The following TENM1 variants were observed in gnomAD, a reference collection of about 807,000 sequenced individuals.
The protein encoded by TENM1 is teneurin-1.
In TENM1, 35 loss-of-function variants were observed where a neutral mutation model predicts 174.8. The ratio of observed to expected loss-of-function variants is 0.20; its 90% CI spans 0.15 to 0.27. The LOEUF is 0.27. TENM1 is among the 10% of genes least tolerant of loss of function. The probability of loss-of-function intolerance (pLI) is 1.00; values close to 1 mark genes in which losing one functional copy is unlikely to be tolerated. For synonymous variants in TENM1, 781 were observed against 798.7 expected (o/e 0.98, Z 0.37); for missense variants, 1,633 against 2,130.1 (o/e 0.77, Z 4.59).
intron 3 of TENM1, among the ~76,000 whole-genome samples, chrX:124,789,308 C>T (rs1172345030): frequency 9.0e-6 from 1 of 110,922 alleles, no homozygotes; most frequent in African/African-American, 3.3e-5. Flanking sequence ...GGAGGGGCTG[C>T]TGTGAAGACC....
At chrX:125,116,884 G>A in the TENM1 span, among the ~76,000 whole-genome samples, 1 of 109,869 alleles carries the variant, frequency 9.1e-6, no homozygotes, top group African/African-American at 3.3e-5. Flanking sequence ...AGTGGTGTGC[G>A]CCTATATTCC....
intron 11 of TENM1, among the ~76,000 whole-genome samples, chrX:124,621,473 A>C (rs1241094485): frequency 8.9e-6 from 1 of 112,327 alleles, no homozygotes; most frequent in Non-Finnish European, 1.9e-5. Flanking sequence ...ACTCTGTCTC[A>C]AAATGAAAAC....
intron 11 of TENM1, among the ~76,000 whole-genome samples, chrX:124,605,097 A>C (rs903732907): frequency 1.9e-5 from 2 of 105,833 alleles, no homozygotes; most frequent in East Asian, 5.9e-4. Context: ...CTGTGAAGTC[A>C]AAGTGTCAGG....
the TENM1 span, among the ~76,000 whole-genome samples, chrX:125,184,618 T>C: frequency 3.2e-3 from 354 of 111,856 alleles, no homozygotes; most frequent in African/African-American, 0.011. Context: ...TTGTGTTATA[T>C]TTTTAGAAGG....
intron 3 of TENM1, among the ~76,000 whole-genome samples, chrX:124,860,692 C>G (rs1484663709): frequency 8.9e-6 from 1 of 111,866 alleles, no homozygotes; most frequent in African/African-American, 3.2e-5. Flanking sequence ...TTCTTTAAAT[C>G]TCCCAGACCC....
chrX:124,580,383 T>C (rs1037778145), intron 11 of TENM1, among the ~76,000 whole-genome samples: 1 of 111,029 alleles, frequency 9.0e-6, no homozygotes, highest in African/African-American at 3.3e-5. Context: ...ATCTCACTTA[T>C]ATGTGGAATC....
the TENM1 span, among the ~76,000 whole-genome samples, chrX:125,137,614 T>G: frequency 1.8e-5 from 2 of 111,351 alleles, no homozygotes; most frequent in African/African-American, 6.5e-5. Flanking sequence ...TAAAGAAACC[T>G]GATAATCATC....
At chrX:124,746,827 A>AT (rs1428859206) in intron 3 of TENM1, among the ~76,000 whole-genome samples, 1 of 110,890 alleles carries the variant, frequency 9.0e-6, no homozygotes, top group East Asian at 2.8e-4. Context: ...ATCAAGTGAA[A>AT]TGTCTATCAA....
At chrX:124,734,139 GAAAGA>G (rs200773301) in intron 4 of TENM1, among the ~76,000 whole-genome samples, 21 of 111,157 alleles carry the variant, frequency 1.9e-4, no homozygotes, top group East Asian at 8.4e-4. Flanking sequence ...AATTAAAAAA[GAAAGA>G]AAAGAAAAGA....
chrX:124,802,427 G>A (rs904696863), intron 3 of TENM1, among the ~76,000 whole-genome samples: 1 of 111,279 alleles, frequency 9.0e-6, no homozygotes, highest in African/African-American at 3.3e-5. Flanking sequence ...GTTCACTCCC[G>A]TACCTGGAGA....
At chrX:124,391,443 T>C (rs1458287823) in intron 28 of TENM1, among the ~76,000 whole-genome samples, 2 of 111,319 alleles carry the variant, frequency 1.8e-5, no homozygotes, top group Non-Finnish European at 3.8e-5. Flanking sequence ...GTTTGACAAA[T>C]GGTTCCTGTA....
chrX:125,096,058 C>T, the TENM1 span, among the ~76,000 whole-genome samples: 1 of 111,925 alleles, frequency 8.9e-6, no homozygotes, highest in Admixed American at 9.5e-5. Context: ...TTGTCCAGTC[C>T]TGCTCATCAT....
At chrX:125,121,325 G>A in the TENM1 span, among the ~76,000 whole-genome samples, 1 of 111,230 alleles carries the variant, frequency 9.0e-6, no homozygotes, top group Admixed American at 9.6e-5. Flanking sequence ...TAAAACTAGG[G>A]GCCACATGTT....
chrX:124,777,543 G>A (rs1013767083), intron 3 of TENM1, among the ~76,000 whole-genome samples: 3 of 111,858 alleles, frequency 2.7e-5, no homozygotes, highest in Non-Finnish European at 3.8e-5. Context: ...AAATGTAAGA[G>A]TCTCTTCCAT....
At chrX:124,916,784 C>T (rs1192813152) in intron 1 of TENM1, among the ~76,000 whole-genome samples, 1 of 109,533 alleles carries the variant, frequency 9.1e-6, no homozygotes, top group Non-Finnish European at 1.9e-5. Context: ...CTTTCTCTCT[C>T]TCTCTCTCTC....
chrX:125,000,140 A>C, the TENM1 span, among the ~76,000 whole-genome samples: 6 of 111,859 alleles, frequency 5.4e-5, no homozygotes, highest in African/African-American at 1.6e-4. Flanking sequence ...CCATTTTTGC[A>C]GTGCATTGTA....
chrX:124,952,468 CA>C (rs2058505965), intron 1 of TENM1, among the ~76,000 whole-genome samples: 1 of 110,199 alleles, frequency 9.1e-6, no homozygotes, highest in Admixed American at 9.8e-5. Context: ...TCTCATTTAT[CA>C]AAACCACAGA....
chrX:124,456,601 T>C lies in TENM1; in HGVS notation c.3950-3110A>G, dbSNP rs141442117. ...TTTGGGGAGGTTTCCCCTCCCATAA[T>C]GCTTATTGTTATAACCCAGGGATAG... On this transcript the variant is annotated intron_variant, in intron 22 of 31. Transcript: ENST00000422452. 3.7e-3 allele frequency among the ~76,000 whole-genome samples: 413 copies of C among 112,048 alleles called. 1 individual carries two copies. Among genetic ancestry groups the C allele is most frequent in the African/African-American group, 0.012 (383 of 30,866 alleles).
At chrX:124,607,866 G>A (rs965876205) in intron 11 of TENM1, among the ~76,000 whole-genome samples, 7 of 111,308 alleles carry the variant, frequency 6.3e-5, no homozygotes, top group African/African-American at 2.3e-4. Flanking sequence ...CAGTGTAGCT[G>A]GTGAGAAATG....
Sources: gnomAD v4.1 joint callset for allele counts (sites outside exome capture counted in the v4.1 genomes callset) on GRCh38, gnomAD v4.1.1 for gene constraint, MANE v1.5 for transcripts, NCBI Gene and HGNC (gene_info 2026-07-23, HGNC 2026-07-21) for gene names.